GALNT18: variants seen among roughly 807,000 people sequenced by gnomAD.
The protein encoded by GALNT18 is polypeptide N-acetylgalactosaminyltransferase 18, also known as GalNAc-transferase 18.
A neutral mutation model predicts 69.5 loss-of-function variants in GALNT18; 44 were observed. The observed-to-expected ratio is 0.63, with a 90% confidence interval of 0.50 to 0.81. GALNT18 has a LOEUF of 0.81. Ranked by LOEUF, GALNT18 falls within the 40% of genes least tolerant of loss-of-function variation. The pLI is 0.00. For missense variants in GALNT18, 715 were observed against 810.0 expected (o/e 0.88, Z 1.42); for synonymous variants, 364 against 318.2 (o/e 1.14, Z -1.53).
At chr11:11,487,032 G>GC (rs1404627296) in intron 1 of GALNT18, among the ~76,000 whole-genome samples, 1 of 152,114 alleles carries the variant, frequency 6.6e-6, no homozygotes. Context: ...AAGTAAATAT[G>GC]CCCCCAAACT....
intron 1 of GALNT18, among the ~76,000 whole-genome samples, chr11:11,489,137 T>C (rs962917898): frequency 3.9e-5 from 6 of 152,222 alleles, no homozygotes; most frequent in Non-Finnish European, 7.3e-5. Context: ...TTTTGAGTAC[T>C]TCCTACATGC....
intron 1 of GALNT18, among the ~76,000 whole-genome samples, chr11:11,456,329 G>A (rs1590019513): frequency 6.6e-6 from 1 of 152,162 alleles, no homozygotes; most frequent in African/African-American, 2.4e-5. Flanking sequence ...AGCCCTACCT[G>A]CAAATTATGC....
chr11:11,513,059 C>T (rs993241864), intron 1 of GALNT18, among the ~76,000 whole-genome samples: 1 of 152,134 alleles, frequency 6.6e-6, no homozygotes, highest in African/African-American at 2.4e-5. Context: ...CAACAGGCAC[C>T]CCTCCCTTCT....
intron 6 of GALNT18, among the ~76,000 whole-genome samples, chr11:11,349,716 T>C (rs1004183885): frequency 8.5e-5 from 13 of 152,252 alleles, no homozygotes; most frequent in African/African-American, 2.9e-4. Context: ...AGTTCTGCGT[T>C]ATCCTCAGTG....
In GALNT18 at chr11:11,557,235, G is replaced by A. The variant is rs541418796; in HGVS notation, c.235+64124C>T. Among the ~76,000 whole-genome samples the A allele has an allele frequency of 2.8e-4, 42 of 152,280 alleles. No homozygotes were observed. The South Asian group carries it at 4.4e-3, about 16-fold the overall frequency. On this transcript the variant is annotated intron_variant, in intron 1 of 10. Coordinates refer to ENST00000227756, the MANE Select transcript of GALNT18 (RefSeq NM_198516.3). ...TGCCATTTAATGTTTCAGTATTGGA[G>A]TTTTATGTTATATTCATTTTTAAAT...
rs914643337 is a variant in GALNT18, at chr11:11,500,446, T to G, written c.236-51510A>C. 2.0e-5 allele frequency among the ~76,000 whole-genome samples: 3 copies of G among 152,182 alleles called. No individual in the cohort carries two copies. Among genetic ancestry groups the G allele is most frequent in the Non-Finnish European group, 2.9e-5 (2 of 68,040 alleles). Reference sequence around the variant, plus strand: ...CCTCACAGGATTGTGGAGGCTTAAATGAGTTCAGGCCAATACCCAGATCAG... The same window carrying G: ...CCTCACAGGATTGTGGAGGCTTAAAGGAGTTCAGGCCAATACCCAGATCAG... On this transcript the variant is annotated intron_variant, in intron 1 of 10. Coordinates refer to ENST00000227756, the MANE Select transcript of GALNT18 (RefSeq NM_198516.3). This position sits in a 1 kb window ranked among gnomAD's most constrained non-coding sequence, Gnocchi z 5.0.
intron 9 of GALNT18, among the ~76,000 whole-genome samples, chr11:11,325,539 A>T (rs1157482678): frequency 6.6e-6 from 1 of 152,214 alleles, no homozygotes; most frequent in Non-Finnish European, 1.5e-5. Context: ...AAATTAAAAA[A>T]ATATAATTAT....
rs1255066154 is a variant in GALNT18 at position 11,543,886 on chromosome 11, A to G, written c.235+77473T>C. 2.0e-5 allele frequency among the ~76,000 whole-genome samples: 3 copies of G among 152,218 alleles called. No individual in the cohort carries two copies. The highest frequency in any genetic ancestry group is 7.2e-5 in the African/African-American group (3 of 41,464). Reference sequence around the variant, plus strand: ...TAATATTTGCTCTTCCTCACACAGGAAAGGCCTTTCCTAAGTGACTTCCTC... The same window carrying G: ...TAATATTTGCTCTTCCTCACACAGGGAAGGCCTTTCCTAAGTGACTTCCTC... On this transcript the variant is annotated intron_variant, in intron 1 of 10. Coordinates refer to ENST00000227756, the MANE Select transcript of GALNT18 (RefSeq NM_198516.3). The surrounding 1 kb of genome is among the most constrained non-coding windows in gnomAD (Gnocchi z 5.1).
intron 3 of GALNT18, among the ~76,000 whole-genome samples, chr11:11,394,117 C>T (rs1362546251): frequency 6.6e-6 from 1 of 152,152 alleles, no homozygotes; most frequent in Non-Finnish European, 1.5e-5. Context: ...GTGGTTGTCA[C>T]AAGGTGCTAT....
intron 1 of GALNT18, among the ~76,000 whole-genome samples, chr11:11,572,933 G>A (rs1364434396): frequency 6.6e-6 from 1 of 152,216 alleles, no homozygotes; most frequent in Non-Finnish European, 1.5e-5. Flanking sequence ...AAAGAGGAGA[G>A]GGTGCTACCA....
At position 11,614,776 on chromosome 11, in the gene GALNT18, C is replaced by A. The variant is rs1037718240; in HGVS notation, c.235+6583G>T. On this transcript the variant is annotated intron_variant, in intron 1 of 10. Coordinates refer to ENST00000227756, the MANE Select transcript of GALNT18 (RefSeq NM_198516.3). The surrounding 1 kb of genome is among the most constrained non-coding windows in gnomAD (Gnocchi z 5.6). The stretch of plus-strand genomic sequence containing the variant: ...CAAAACCAGACGTGGCTCTCTGACA[C>A]TTTTCATTCTGAATTCTCCTTGAGA... Among the ~76,000 whole-genome samples, 3 of 152,190 alleles carry A rather than the reference C, an allele frequency of 2.0e-5. No individual in the cohort carries two copies. Among genetic ancestry groups the A allele is most frequent in the Admixed American group, 2.0e-4 (3 of 15,270 alleles).
chr11:11,423,713 G>A (rs542605978), intron 3 of GALNT18, among the ~76,000 whole-genome samples: 1 of 152,356 alleles, frequency 6.6e-6, no homozygotes, highest in South Asian at 2.1e-4. Context: ...GACCCATGGT[G>A]TACCAGAGGC....
intron 1 of GALNT18, among the ~76,000 whole-genome samples, chr11:11,490,601 G>C (rs187561410): frequency 2.6e-5 from 4 of 152,122 alleles, no homozygotes; most frequent in African/African-American, 9.7e-5. Context: ...CCAGTCCAGG[G>C]GCCTATAGGG....
intron 6 of GALNT18, among the ~76,000 whole-genome samples, chr11:11,343,219 G>A (rs546086562): frequency 4.1e-4 from 63 of 152,120 alleles, no homozygotes; most frequent in South Asian, 1.5e-3. Flanking sequence ...GTGGTGGCAC[G>A]TGCCTGTAGT....
intron 1 of GALNT18, among the ~76,000 whole-genome samples, chr11:11,473,529 C>A (rs899213770): frequency 6.7e-6 from 1 of 150,230 alleles, no homozygotes; most frequent in Non-Finnish European, 1.5e-5. Flanking sequence ...CGTTTTGGGC[C>A]TAAAGATGGC....
In GALNT18 at chr11:11,543,844, G is replaced by T. The variant is rs1413729636; in HGVS notation, c.235+77515C>A. On this transcript the variant is annotated intron_variant, in intron 1 of 10. Coordinates refer to ENST00000227756, the MANE Select transcript of GALNT18 (RefSeq NM_198516.3). This position sits in a 1 kb window ranked among gnomAD's most constrained non-coding sequence, Gnocchi z 5.1. ...CCCATTTCTTCTTCTGGCGCTCTGG[G>T]CTCCAATGGCTTCTGGTAATATTTG... is the stretch of plus-strand genomic sequence containing the variant. Among the ~76,000 whole-genome samples the T allele has an allele frequency of 6.6e-6, 1 of 152,112 alleles. No individual in the cohort carries two copies. The highest frequency in any genetic ancestry group is 2.4e-5 in the African/African-American group (1 of 41,416).
rs1212611888 is a variant in GALNT18, at chr11:11,620,326, CGCGCGCGTGT to C, written c.235+1023_235+1032del. On this transcript the variant is annotated intron_variant, in intron 1 of 10. Transcript: ENST00000227756. This position sits in a 1 kb window ranked among gnomAD's most constrained non-coding sequence, Gnocchi z 6.9. ...GGAAGTGTGGACGTGAGCGCGCGCG[CGCGCGCGTGT>C]GTGTGTGTGTGTGCACACCCGGCAC... Among the ~76,000 whole-genome samples the C allele has an allele frequency of 6.5e-5, 7 of 108,466 alleles. No homozygotes were observed. Among genetic ancestry groups the C allele is most frequent in the African/African-American group, 2.5e-4 (6 of 23,864 alleles). The allele number at this position is 108,466 out of a possible 152,430, so 71.2% of individuals were successfully genotyped here.
rs1048137857 is a variant in GALNT18 at position 11,500,281 on chromosome 11, C to T, written c.236-51345G>A. Among the ~76,000 whole-genome samples the T allele has an allele frequency of 6.6e-6, 1 of 152,160 alleles. No homozygotes were observed. Among genetic ancestry groups the T allele is most frequent in the Admixed American group, 6.5e-5 (1 of 15,284 alleles). ...AAGAACCTGCAGGAGGCTGGCCTCC[C>T]GGGAGTCCCTAATACTGGCGGACAG... is the stretch of plus-strand genomic sequence containing the variant. On this transcript the variant is annotated intron_variant, in intron 1 of 10. Coordinates refer to ENST00000227756, the MANE Select transcript of GALNT18 (RefSeq NM_198516.3). The surrounding 1 kb of genome is among the most constrained non-coding windows in gnomAD (Gnocchi z 5.0).
Position 11,444,033 on chromosome 11 carries a change from C to T in GALNT18, c.428+4711G>A, listed in dbSNP as rs2133812575. Among the ~76,000 whole-genome samples, 1 of 152,294 alleles carries T rather than the reference C, an allele frequency of 6.6e-6. No homozygotes were observed. On this transcript the variant is annotated intron_variant, in intron 2 of 10. Transcript: ENST00000227756. This position sits in a 1 kb window ranked among gnomAD's most constrained non-coding sequence, Gnocchi z 4.4. Reference sequence around the variant, plus strand: ...CATCTTTGGGAGGCCATTATTCTGCCTATCCATGAAGCCAGGACCCCCCAA... The same window carrying T: ...CATCTTTGGGAGGCCATTATTCTGCTTATCCATGAAGCCAGGACCCCCCAA...
Sources: gnomAD v4.1 joint callset for allele counts (sites outside exome capture counted in the v4.1 genomes callset) on GRCh38, gnomAD v4.1.1 for gene constraint, Gnocchi (gnomAD v3.1) non-coding constraint, MANE v1.5 for transcripts, NCBI Gene and HGNC (gene_info 2026-07-23, HGNC 2026-07-21) for gene names.